COA1: variants seen among roughly 807,000 people sequenced by gnomAD.
The protein encoded by COA1 is cytochrome c oxidase assembly factor 1 homolog.
In COA1, 13 loss-of-function variants were observed where a neutral mutation model predicts 16.0. The ratio of observed to expected loss-of-function variants is 0.81; its 90% CI spans 0.53 to 1.29. COA1 has a LOEUF of 1.29. Among genes scored for constraint, COA1 ranks in the 50% most tolerant of loss-of-function variants. The pLI, the probability that COA1 is intolerant of heterozygous loss-of-function variation, is 0.00. For missense variants in COA1, 179 were observed against 177.0 expected, an observed-to-expected ratio of 1.01 and a Z score of -0.06; for synonymous variants, 65 against 65.7, an observed-to-expected ratio of 0.99 and a Z score of 0.05.
chr7:43,724,318 T>C (rs1003518719), intron 1 of COA1, among the ~76,000 whole-genome samples: 2 of 151,986 alleles, frequency 1.3e-5, no homozygotes, highest in Non-Finnish European at 2.9e-5. Flanking sequence ...TTTGGGACAC[T>C]GAGGTGGGCG....
intron 6 of COA1, among the ~76,000 whole-genome samples, chr7:43,613,794 T>C (rs2083091031): frequency 6.6e-6 from 1 of 152,204 alleles, no homozygotes; most frequent in African/African-American, 2.4e-5. Context: ...CAGTGGGCTA[T>C]GATTGCACCC....
rs145749567 is a variant in COA1, at chr7:43,616,509, G to A, written c.*134-7014C>T. On this transcript the variant is annotated intron_variant and NMD_transcript_variant, in intron 6 of 6. Transcript: ENST00000415076. ...CCTCATGAAGCTGTAGATTCTTCCCGTTCTCTGAATTCAGACTGATAAACC... is the reference window on the plus strand; with the variant it reads ...CCTCATGAAGCTGTAGATTCTTCCCATTCTCTGAATTCAGACTGATAAACC... Among the ~76,000 whole-genome samples the A allele has an allele frequency of 7.2e-3, 1,096 of 152,208 alleles. 4 individuals are homozygous for A. Among genetic ancestry groups the A allele is most frequent in the African/African-American group, 0.024 (1,006 of 41,510 alleles).
chr7:43,623,991 T>C (rs955167218), intron 6 of COA1: 1 of 782,398 alleles, frequency 1.3e-6, no homozygotes, highest in Non-Finnish European at 1.8e-6. Flanking sequence ...CAACCAAAAA[T>C]AGTTCAACTT....
chr7:43,613,028 T>C (rs2083017860), intron 6 of COA1, among the ~76,000 whole-genome samples: 1 of 152,162 alleles, frequency 6.6e-6, no homozygotes, highest in Admixed American at 6.5e-5. Context: ...TTTGGTGAAT[T>C]AGTCATTCAG....
intron 1 of COA1, among the ~76,000 whole-genome samples, chr7:43,691,331 G>GAA (rs1252267517): frequency 1.5e-5 from 1 of 68,388 alleles, no homozygotes; most frequent in South Asian, 7.5e-4. Context: ...GAAAGAAAGA[G>GAA]AAAGAGAGAG....
Position 43,623,951 on chromosome 7 carries a change from A to T in COA1, c.*134-14456T>A, listed in dbSNP as rs975363097. ...TCAATATTAAAAAATTCAGTATTAA[A>T]AAACTGACAGTTTTTTCTTGAATCT... On this transcript the variant is annotated intron_variant and NMD_transcript_variant, in intron 6 of 6. Transcript: ENST00000415076. 35 of 1,200,756 alleles carry T rather than the reference A, an allele frequency of 2.9e-5. No homozygotes were observed. The African/African-American group carries it at 4.6e-4, about 16-fold the overall frequency. 74.4% of individuals were successfully genotyped at this position (1,200,756 alleles called of 1,614,324 possible).
intron 6 of COA1, among the ~76,000 whole-genome samples, chr7:43,633,767 G>T (rs1226134888): frequency 6.6e-6 from 1 of 151,784 alleles, no homozygotes; most frequent in Non-Finnish European, 1.5e-5. Flanking sequence ...CCTATAAAAG[G>T]TTCATTTGTT....
intron 1 of COA1, among the ~76,000 whole-genome samples, chr7:43,705,768 T>A (rs1563432611): frequency 6.6e-6 from 1 of 152,210 alleles, no homozygotes; most frequent in Admixed American, 6.5e-5. Context: ...CCAGCTCAGA[T>A]GTTCATGAGA....
At chr7:43,721,341 C>T (rs1490435325) in intron 1 of COA1, among the ~76,000 whole-genome samples, 1 of 152,184 alleles carries the variant, frequency 6.6e-6, no homozygotes, top group Non-Finnish European at 1.5e-5. Context: ...CAGCAATTAT[C>T]GTCCAGCTGA....
At chr7:43,656,311 C>G (rs1445739437) in intron 1 of COA1, among the ~76,000 whole-genome samples, 2 of 152,162 alleles carry the variant, frequency 1.3e-5, no homozygotes, top group Non-Finnish European at 2.9e-5. Context: ...TTAAGAGCAG[C>G]AATTTAAAAA....
At chr7:43,723,055 A>C (rs2095542650) in intron 1 of COA1, among the ~76,000 whole-genome samples, 1 of 152,266 alleles carries the variant, frequency 6.6e-6, no homozygotes, top group South Asian at 2.1e-4. Flanking sequence ...TTGTAAAGTA[A>C]TAATGAAATA....
intron 6 of COA1, chr7:43,626,578 G>A (rs1272759454): frequency 1.3e-5 from 2 of 152,148 alleles, no homozygotes; most frequent in African/African-American, 4.8e-5. Context: ...CCACAGTTTT[G>A]AGTCTCAGGT....
chr7:43,638,410 A>G (rs1408494973), downstream of COA1, among the ~76,000 whole-genome samples: 1 of 152,180 alleles, frequency 6.6e-6, no homozygotes, highest in Non-Finnish European at 1.5e-5. Flanking sequence ...GGTGCCCAGA[A>G]GGAAGTTCTT....
At chr7:43,617,210 A>G (rs905308331) in intron 6 of COA1, among the ~76,000 whole-genome samples, 11 of 152,142 alleles carry the variant, frequency 7.2e-5, no homozygotes, top group Non-Finnish European at 1.3e-4. Flanking sequence ...GGACATGCAC[A>G]CCATGCGAAG....
chr7:43,667,098 A>G (rs1367245530), intron 1 of COA1, among the ~76,000 whole-genome samples: 1 of 152,210 alleles, frequency 6.6e-6, no homozygotes, highest in East Asian at 1.9e-4. Flanking sequence ...TGCAAGGGTA[A>G]ACTTTGGCTT....
At chr7:43,704,001 T>C (rs755192054) in intron 1 of COA1, among the ~76,000 whole-genome samples, 1 of 152,232 alleles carries the variant, frequency 6.6e-6, no homozygotes, top group Non-Finnish European at 1.5e-5. Flanking sequence ...TAAGGACCTC[T>C]TGTAAGTCTG....
chr7:43,694,389 T>C (rs1397123404), intron 1 of COA1, among the ~76,000 whole-genome samples: 1 of 152,102 alleles, frequency 6.6e-6, no homozygotes, highest in Non-Finnish European at 1.5e-5. Context: ...GTTTTCCCAT[T>C]TTCTCTTGAA....
chr7:43,686,920 A>G (rs2094063217), intron 1 of COA1, among the ~76,000 whole-genome samples: 1 of 152,194 alleles, frequency 6.6e-6, no homozygotes, highest in Non-Finnish European at 1.5e-5. Flanking sequence ...TTTAATGACT[A>G]TTATATCAAA....
At chr7:43,723,304 A>C (rs1210585589) in intron 1 of COA1, among the ~76,000 whole-genome samples, 1 of 152,216 alleles carries the variant, frequency 6.6e-6, no homozygotes, top group Non-Finnish European at 1.5e-5. Flanking sequence ...AATGGATTGC[A>C]GTACCCACAA....
Sources: allele counts gnomAD v4.1 joint callset (sites outside exome capture counted in the v4.1 genomes callset), GRCh38; gene constraint gnomAD v4.1.1; transcripts MANE v1.5; gene names NCBI Gene and HGNC (gene_info 2026-07-23, HGNC 2026-07-21).